ADAMTSL1: variants seen among roughly 807,000 people sequenced by gnomAD.
ADAMTSL1 encodes ADAMTS-like protein 1.
Under a neutral mutation model 201.8 loss-of-function variants are expected in ADAMTSL1, and 126 were observed. The observed-to-expected ratio is 0.62, with a 90% confidence interval of 0.54 to 0.72. ADAMTSL1 has a LOEUF of 0.72. ADAMTSL1 is among the 30% of genes least tolerant of loss of function. The pLI is 0.00. For missense variants in ADAMTSL1, 2,679 were observed against 2,277.8 expected (o/e 1.18, Z -3.59); for synonymous variants, 1,121 against 903.4 (o/e 1.24, Z -4.32).
chr9:18,825,682 C>T (rs907834939), intron 21 of ADAMTSL1, among the ~76,000 whole-genome samples: 3 of 151,716 alleles, frequency 2.0e-5, no homozygotes, highest in African/African-American at 7.3e-5. Context: ...AGAGCATCGC[C>T]AGTGGCCAAG....
chr9:18,675,903 C>G lies in ADAMTSL1; in HGVS notation c.1132C>G (p.Pro378Ala). The change falls in exon 10 of 29, where the codon CCT (proline) becomes GCT (alanine). Residue 378 changes from proline (P) to alanine (A), a missense_variant. By Grantham distance (27) the Pro-to-Ala change is conservative. Transcript: ENST00000380548. The part of the protein sequence containing the change: ...IMPYDLYHPL[P>A]RWEATPWTAC... ...GCCTTATGACCTCTACCATCCCCTT[C>G]CTCGGTACGTAAATCAATCATCCTG... The G allele has an allele frequency of 6.2e-7, 1 of 1,612,916 alleles. No homozygotes were observed. The highest frequency in any genetic ancestry group is 8.5e-7 in the Non-Finnish European group (1 of 1,179,068).
intron 4 of ADAMTSL1, among the ~76,000 whole-genome samples, chr9:18,594,939 C>T (rs1193791238): frequency 6.6e-6 from 1 of 152,192 alleles, no homozygotes; most frequent in African/African-American, 2.4e-5. Flanking sequence ...TTTCTTTGTG[C>T]TTGTCCTTCT....
chr9:18,595,044 G>A (rs1824172261), intron 4 of ADAMTSL1, among the ~76,000 whole-genome samples: 2 of 152,150 alleles, frequency 1.3e-5, no homozygotes, highest in South Asian at 4.1e-4. Flanking sequence ...GATGTTCCAA[G>A]CCCTATCTTG....
intron 1 of ADAMTSL1, among the ~76,000 whole-genome samples, chr9:17,943,936 G>A (rs183899251): frequency 7.9e-5 from 12 of 152,010 alleles, no homozygotes; most frequent in South Asian, 6.2e-4. Flanking sequence ...CAGAAGGAAC[G>A]AGAGAGAGGG....
At chr9:18,385,828 C>G (rs1287011813) in intron 2 of ADAMTSL1, among the ~76,000 whole-genome samples, 1 of 152,168 alleles carries the variant, frequency 6.6e-6, no homozygotes, top group Non-Finnish European at 1.5e-5. Context: ...TAGTCCCAAA[C>G]TAGCAACACA....
chr9:17,985,236 T>G (rs1054950462), intron 1 of ADAMTSL1, among the ~76,000 whole-genome samples: 3 of 152,132 alleles, frequency 2.0e-5, no homozygotes, highest in Non-Finnish European at 4.4e-5. Flanking sequence ...GAATTTTGAA[T>G]AGAATGATGT....
At chr9:18,482,188 G>A (rs555790513) in intron 1 of ADAMTSL1, among the ~76,000 whole-genome samples, 4 of 152,252 alleles carry the variant, frequency 2.6e-5, no homozygotes, top group East Asian at 1.9e-4. Context: ...GAAAAATCAC[G>A]TGCATGAACA....
chr9:18,119,921 GA>G (rs1825427889), intron 1 of ADAMTSL1, among the ~76,000 whole-genome samples: 1 of 152,166 alleles, frequency 6.6e-6, no homozygotes, highest in African/African-American at 2.4e-5. Context: ...AAAATCTCAT[GA>G]GCTCTAGGAA....
chr9:18,212,169 T>C (rs950373482), intron 2 of ADAMTSL1, among the ~76,000 whole-genome samples: 1 of 152,114 alleles, frequency 6.6e-6, no homozygotes, highest in African/African-American at 2.4e-5. Flanking sequence ...CCATGTTTAA[T>C]CTACCAGTTC....
In ADAMTSL1 at chr9:18,195,066, A is replaced by G. The variant is rs567531759; in HGVS notation, c.207+31085A>G. Reference sequence around the variant, plus strand: ...ATGAAAGGCTTAAATTAAATGATATATGGGAACCCTTAATATGGTACCTGT... The same window carrying G: ...ATGAAAGGCTTAAATTAAATGATATGTGGGAACCCTTAATATGGTACCTGT... On this transcript the variant is annotated intron_variant, in intron 2 of 29. Coordinates refer to the ADAMTSL1 transcript ENST00000680146. Among the ~76,000 whole-genome samples the G allele has an allele frequency of 3.3e-5, 5 of 152,238 alleles. No individual in the cohort carries two copies. The East Asian group carries it at 9.7e-4, about 29-fold the overall frequency.
In ADAMTSL1 at chr9:17,925,278, A is replaced by C. The variant is rs1297289088; in HGVS notation, c.87+18356A>C. Among the ~76,000 whole-genome samples, 46 of 122,094 alleles carry C rather than the reference A, an allele frequency of 3.8e-4. 6 individuals are homozygous for C. Among genetic ancestry groups the C allele is most frequent in the East Asian group, 1.0e-3 (3 of 3,014 alleles). 80.1% of individuals were successfully genotyped at this position (122,094 alleles called of 152,430 possible). A position where few individuals can be genotyped will look rare whatever the true frequency, so the allele number is the denominator to read the frequency against. ...AGTGGGACTGTAAACTAGTTCAACC[A>C]TTGTGGAAGTCAGTGTGGCGATTCC... is the stretch of plus-strand genomic sequence containing the variant. On this transcript the variant is annotated intron_variant, in intron 1 of 29. Coordinates refer to the ADAMTSL1 transcript ENST00000680146.
chr9:18,335,391 G>T (rs1835192243), intron 2 of ADAMTSL1, among the ~76,000 whole-genome samples: 1 of 151,872 alleles, frequency 6.6e-6, no homozygotes, highest in South Asian at 2.1e-4. Flanking sequence ...TGAACTCCTG[G>T]TTCTATATTT....
intron 20 of ADAMTSL1, among the ~76,000 whole-genome samples, chr9:18,806,965 T>C (rs1823170945): frequency 6.6e-6 from 1 of 152,186 alleles, no homozygotes; most frequent in Non-Finnish European, 1.5e-5. Context: ...TGTGAGGCTC[T>C]ATTTCCCCTG....
At chr9:18,644,944 A>G (rs1827695874) in intron 7 of ADAMTSL1, among the ~76,000 whole-genome samples, 1 of 151,824 alleles carries the variant, frequency 6.6e-6, no homozygotes, top group African/African-American at 2.4e-5. Context: ...CTAGTTCTAG[A>G]TCCCTGAGGA....
rs1398281694 is a variant in ADAMTSL1, at chr9:18,843,031, G to T, written c.4249+13054G>T. ...TTTTAATTGGAGCATTTAGTCCATT[G>T]ACATTTAAAGTTAATATTGTTATGT... On this transcript the variant is annotated intron_variant, in intron 23 of 28. Coordinates refer to ENST00000380548, the MANE Select transcript of ADAMTSL1 (RefSeq NM_001040272.6). Among the ~76,000 whole-genome samples, 10 of 152,068 alleles carry T rather than the reference G, an allele frequency of 6.6e-5. No individual in the cohort carries two copies. The East Asian group carries it at 1.5e-3, about 23-fold the overall frequency.
chr9:17,907,366 C>T (rs1300572845), intron 1 of ADAMTSL1, among the ~76,000 whole-genome samples: 1 of 152,208 alleles, frequency 6.6e-6, no homozygotes, highest in African/African-American at 2.4e-5. Context: ...CACACTTCCG[C>T]CCTTCTGCGG....
intron 3 of ADAMTSL1, among the ~76,000 whole-genome samples, chr9:18,557,902 C>T (rs1587554770): frequency 6.6e-6 from 1 of 151,726 alleles, no homozygotes; most frequent in African/African-American, 2.4e-5. Flanking sequence ...TCCCTGTTGC[C>T]TGGTAATTAT....
intron 2 of ADAMTSL1, among the ~76,000 whole-genome samples, chr9:18,381,480 C>T (rs1403283926): frequency 6.6e-6 from 1 of 152,134 alleles, no homozygotes; most frequent in Non-Finnish European, 1.5e-5. Flanking sequence ...AGGCATTATG[C>T]CTATTTTAGA....
chr9:18,565,630 G>A (rs982111984), intron 3 of ADAMTSL1, among the ~76,000 whole-genome samples: 3 of 150,868 alleles, frequency 2.0e-5, no homozygotes, highest in African/African-American at 4.9e-5. Context: ...GCCAAGAACG[G>A]CCTTTACCTG....
Sources: gnomAD v4.1 joint callset for allele counts (sites outside exome capture counted in the v4.1 genomes callset) on GRCh38, gnomAD v4.1.1 for gene constraint, MANE v1.5 for transcripts, NCBI Gene and HGNC (gene_info 2026-07-23, HGNC 2026-07-21) for gene names.